The following LDLRAD4 variants were observed in gnomAD, a reference collection of about 807,000 sequenced individuals.
The protein encoded by LDLRAD4 is low-density lipoprotein receptor class A domain-containing protein 4.
A neutral mutation model predicts 17.0 loss-of-function variants in LDLRAD4; 5 were observed. That is an observed-to-expected ratio of 0.29 (90% CI 0.15 to 0.62). The LOEUF (loss-of-function observed/expected upper bound fraction) is 0.62. Ranked by LOEUF, LDLRAD4 falls within the 20% of genes least tolerant of loss-of-function variation. LDLRAD4 has a pLI of 0.84. For synonymous variants in LDLRAD4, 168 were observed against 171.8 expected (o/e 0.98, Z 0.17); for missense variants, 340 against 424.7 (o/e 0.80, Z 1.75).
intron 1 of LDLRAD4, among the ~76,000 whole-genome samples, chr18:13,286,772 G>C (rs763702429): frequency 6.6e-6 from 1 of 152,162 alleles, no homozygotes; most frequent in Non-Finnish European, 1.5e-5. Flanking sequence ...CAGCCAGGAA[G>C]GACAGTGAGG....
chr18:13,602,030 A>T (rs1460785432), intron 3 of LDLRAD4, among the ~76,000 whole-genome samples: 2 of 152,276 alleles, frequency 1.3e-5, no homozygotes, highest in East Asian at 3.8e-4. Context: ...GCCGGAGGCC[A>T]TTATTCTAAG....
chr18:13,319,303 G>A (rs2081097062), intron 1 of LDLRAD4, among the ~76,000 whole-genome samples: 1 of 152,212 alleles, frequency 6.6e-6, no homozygotes, highest in Admixed American at 6.5e-5. Flanking sequence ...GCGAGTAACA[G>A]AGGTGCGCAG....
chr18:13,261,918 G>C (rs924940358), intron 1 of LDLRAD4, among the ~76,000 whole-genome samples: 4 of 152,246 alleles, frequency 2.6e-5, no homozygotes, highest in Non-Finnish European at 5.9e-5. Context: ...GGGTGGAGCT[G>C]TGCAGAGCAG....
intron 3 of LDLRAD4, chr18:13,515,460 A>G (rs1174369585): frequency 6.6e-6 from 1 of 152,070 alleles, no homozygotes; most frequent in Non-Finnish European, 1.5e-5. Context: ...GTCTTAAAAA[A>G]CAAAAACTAA....
chr18:13,387,845 T>G, intron 2 of LDLRAD4, 83 bp downstream of exon 3: 1 of 1,244,528 alleles, frequency 8.0e-7, no homozygotes, highest in Non-Finnish European at 1.2e-6. Context: ...GCAGTGAACC[T>G]ACCTTTGCAG....
chr18:13,302,295 T>G (rs557281882), intron 1 of LDLRAD4, among the ~76,000 whole-genome samples: 1 of 152,296 alleles, frequency 6.6e-6, no homozygotes, highest in African/African-American at 2.4e-5. Flanking sequence ...ATCACAAGAT[T>G]AGTGGTTTTC....
chr18:13,409,587 A>G (rs2088130114), intron 2 of LDLRAD4, among the ~76,000 whole-genome samples: 1 of 152,340 alleles, frequency 6.6e-6, no homozygotes, highest in East Asian at 1.9e-4. Context: ...TCTAGAACAT[A>G]TGCCAATTTT....
At chr18:13,552,056 C>G (rs969186342) in intron 3 of LDLRAD4, among the ~76,000 whole-genome samples, 1 of 152,110 alleles carries the variant, frequency 6.6e-6, no homozygotes, top group African/African-American at 2.4e-5. Flanking sequence ...CACGAGGGAC[C>G]CACTGCATGA....
chr18:13,494,904 T>TA (rs2093435408), intron 3 of LDLRAD4, among the ~76,000 whole-genome samples: 2 of 150,608 alleles, frequency 1.3e-5, no homozygotes, highest in African/African-American at 4.9e-5. Flanking sequence ...TTCCTGTTGT[T>TA]ACACTAGTGA....
chr18:13,566,277 G>A (rs2094599985), intron 3 of LDLRAD4, among the ~76,000 whole-genome samples: 1 of 152,134 alleles, frequency 6.6e-6, no homozygotes, highest in South Asian at 2.1e-4. Context: ...TGGAAGGTCA[G>A]TCTGTCCTGG....
intron 1 of LDLRAD4, among the ~76,000 whole-genome samples, chr18:13,248,644 CAT>C (rs777948471): frequency 1.3e-5 from 2 of 152,196 alleles, no homozygotes; most frequent in African/African-American, 2.4e-5. Context: ...AAAATGGACA[CAT>C]AATAATTACA....
intron 1 of LDLRAD4, among the ~76,000 whole-genome samples, chr18:13,271,030 A>C (rs1295091342): frequency 6.6e-6 from 1 of 152,232 alleles, no homozygotes; most frequent in Non-Finnish European, 1.5e-5. Context: ...CAGAGGAAAG[A>C]TCAAACATAG....
At chr18:13,495,582 G>A (rs930603504) in intron 3 of LDLRAD4, among the ~76,000 whole-genome samples, 1 of 152,144 alleles carries the variant, frequency 6.6e-6, no homozygotes, top group Non-Finnish European at 1.5e-5. Context: ...TTAGTAAAAT[G>A]GGAAGAAATA....
At chr18:13,236,642 G>A (rs921440066) in intron 1 of LDLRAD4, among the ~76,000 whole-genome samples, 3 of 152,088 alleles carry the variant, frequency 2.0e-5, no homozygotes, top group African/African-American at 7.2e-5. Flanking sequence ...ACTCCTTTCT[G>A]TACCCTCTGC....
intron 1 of LDLRAD4, among the ~76,000 whole-genome samples, chr18:13,308,455 G>A (rs1312908306): frequency 6.6e-6 from 1 of 152,220 alleles, no homozygotes; most frequent in Admixed American, 6.5e-5. Context: ...AGGCCAGAGC[G>A]TGTGCATTTG....
At chr18:13,511,738 C>G (rs148070576) in intron 3 of LDLRAD4, among the ~76,000 whole-genome samples, 1 of 152,130 alleles carries the variant, frequency 6.6e-6, no homozygotes, top group Non-Finnish European at 1.5e-5. Context: ...GTACAGGTGC[C>G]GGAACAGCCC....
At chr18:13,227,088 A>T (rs747870633) in intron 1 of LDLRAD4, among the ~76,000 whole-genome samples, 2 of 152,214 alleles carry the variant, frequency 1.3e-5, no homozygotes, top group Non-Finnish European at 2.9e-5. Context: ...CAGAAAATTC[A>T]TGATCCTCCA....
chr18:13,428,219 G>A (rs531629338), intron 2 of LDLRAD4, among the ~76,000 whole-genome samples: 63 of 152,304 alleles, frequency 4.1e-4, no homozygotes, highest in African/African-American at 1.4e-3. Flanking sequence ...AGGAGGAGCC[G>A]GGAGTCTGGG....
chr18:13,522,099 CT>C (rs1449713165), intron 3 of LDLRAD4: 1 of 151,998 alleles, frequency 6.6e-6, no homozygotes, highest in Admixed American at 6.6e-5. Flanking sequence ...ATTTTGAAAA[CT>C]GGAAAATATT....
Sources: allele counts gnomAD v4.1 joint callset (sites outside exome capture counted in the v4.1 genomes callset), GRCh38; gene constraint gnomAD v4.1.1; transcripts MANE v1.5; gene names NCBI Gene and HGNC (gene_info 2026-07-23, HGNC 2026-07-21).